Variants in ETNK1 observed in about 807,000 individuals in gnomAD.
ETNK1 encodes the protein ethanolamine kinase 1, also known as putative protein product of Nbla10396.
Under a neutral mutation model 45.1 loss-of-function variants are expected in ETNK1, and 8 were observed. The observed-to-expected ratio is 0.18, with a 90% CI of 0.10 to 0.32. The LOEUF is 0.32. Among genes scored for constraint, ETNK1 ranks in the 10% least tolerant of loss-of-function variants. ETNK1 has a pLI of 1.00. For missense variants in ETNK1, 302 were observed against 430.6 expected, an observed-to-expected ratio of 0.70 and a Z score of 2.64; for synonymous variants, 152 against 151.9, an observed-to-expected ratio of 1.00 and a Z score of -0.01.
chr12:22,645,537 A>G (rs1953797335), intron 2 of ETNK1, among the ~76,000 whole-genome samples: 1 of 151,716 alleles, frequency 6.6e-6, no homozygotes. Context: ...CAAATGCCAA[A>G]GCCTTTGTTT....
rs914579354 is a variant in ETNK1 at position 22,625,262 on chromosome 12, C to T, written c.-169C>T. 6.2e-7 allele frequency: 1 copy of T among 1,610,800 alleles called. No homozygotes were observed. Among genetic ancestry groups the T allele is most frequent in the African/African-American group, 1.3e-5 (1 of 75,028 alleles). The stretch of plus-strand genomic sequence containing the variant: ...CTGCTGTCCAGACCCGGATCGGCAA[C>T]AGTGCCGCCTCCAGACGTTCTCCTG... On this transcript the variant is annotated 5_prime_UTR_variant, in exon 1 of 8. Transcript: ENST00000266517.
chr12:22,673,999 A>G (rs1314650067), intron 6 of ETNK1, among the ~76,000 whole-genome samples: 1 of 152,198 alleles, frequency 6.6e-6, no homozygotes, highest in Non-Finnish European at 1.5e-5. Flanking sequence ...ATCAAAGTCA[A>G]ATTTTACAGG....
intron 4 of ETNK1, among the ~76,000 whole-genome samples, chr12:22,662,098 A>G (rs1954006862): frequency 8.8e-6 from 1 of 113,120 alleles, no homozygotes. Context: ...ATGGAGTTTC[A>G]CTCTTGTCAC....
intron 1 of ETNK1, among the ~76,000 whole-genome samples, chr12:22,632,356 C>T (rs958676179): frequency 2.0e-5 from 3 of 151,928 alleles, no homozygotes; most frequent in Non-Finnish European, 2.9e-5. Flanking sequence ...TGCAATCATA[C>T]GTATAATTTT....
intron 1 of ETNK1, among the ~76,000 whole-genome samples, chr12:22,638,070 A>G (rs1648721441): frequency 6.6e-6 from 1 of 152,018 alleles, no homozygotes; most frequent in African/African-American, 2.4e-5. Context: ...AGCATATGGT[A>G]GGTTTGGAAG....
chr12:22,666,959 A>T (rs12308196), intron 4 of ETNK1, among the ~76,000 whole-genome samples: 55,178 of 151,950 alleles, frequency 0.36, 10,424 homozygotes, highest in Non-Finnish European at 0.42. Flanking sequence ...TGGTACTTTT[A>T]AAAAATTTAA....
chr12:22,671,229 T>G, intron 4 of ETNK1, 43 bp from the exon 5 acceptor site: 1 of 1,315,322 alleles, frequency 7.6e-7, no homozygotes, highest in Non-Finnish European at 1.1e-6. Context: ...TTTCTGATCT[T>G]ATATGTGATT....
At chr12:22,641,293 C>T (rs11046513) in intron 1 of ETNK1, among the ~76,000 whole-genome samples, 7,927 of 152,104 alleles carry the variant, frequency 0.052, 651 homozygotes, top group African/African-American at 0.18. Context: ...GACTTATGGG[C>T]ATCTTAATCG....
intron 4 of ETNK1, among the ~76,000 whole-genome samples, chr12:22,669,964 T>C (rs1954091334): frequency 6.6e-6 from 1 of 152,070 alleles, no homozygotes; most frequent in Non-Finnish European, 1.5e-5. Context: ...TTATTCTAGA[T>C]GTGACTTATT....
chr12:22,650,512 T>C (rs997022801), intron 2 of ETNK1, among the ~76,000 whole-genome samples: 4 of 152,050 alleles, frequency 2.6e-5, no homozygotes, highest in African/African-American at 9.7e-5. Context: ...GCAAAATGCT[T>C]TTTCTGCACA....
intron 1 of ETNK1, among the ~76,000 whole-genome samples, chr12:22,639,508 C>G (rs888727675): frequency 6.6e-6 from 1 of 152,126 alleles, no homozygotes; most frequent in East Asian, 1.9e-4. Flanking sequence ...GAAACCCCAT[C>G]TCTACTAAAA....
intron 1 of ETNK1, among the ~76,000 whole-genome samples, chr12:22,640,521 A>G (rs1164708750): frequency 6.6e-6 from 1 of 151,948 alleles, no homozygotes. Flanking sequence ...TATTGTTTTA[A>G]CATATATTTT....
rs545653162 is a variant in ETNK1, at chr12:22,625,326, C to G, written c.-105C>G. ...CGTCCCAGCGCCCCCAGCCCTCCCG[C>G]GAGGGCGCCCCGGGACGGAAGGATC... On this transcript the variant is annotated 5_prime_UTR_variant, in exon 1 of 8. Transcript: ENST00000266517. 6.3e-7 allele frequency: 1 copy of G among 1,594,988 alleles called. No homozygotes were observed.
In ETNK1 at chr12:22,670,053, G is replaced by A. The variant is rs1954092561; in HGVS notation, c.701-1219G>A. 2.6e-5 allele frequency among the ~76,000 whole-genome samples: 4 copies of A among 152,084 alleles called. 1 individual carries two copies. In the South Asian group the frequency reaches 8.3e-4, roughly 32 times the overall value. ...TTTTATGTAAAACACTATTTGCCAT[G>A]ACATTTTTTGTCACGTAATTTTGTT... is the stretch of plus-strand genomic sequence containing the variant. On this transcript the variant is annotated intron_variant, in intron 4 of 7. Transcript: ENST00000266517.
rs79670515 is a variant in ETNK1, at chr12:22,635,479, G to A, written c.157-8284G>A. ...CATGCAGTGCTTGACTGTGCATCGT[G>A]TTTTCTTTGGTGACTATGATACCAA... On this transcript the variant is annotated intron_variant, in intron 1 of 7. Coordinates refer to ENST00000266517, the MANE Select transcript of ETNK1 (RefSeq NM_018638.5). Among the ~76,000 whole-genome samples, 305 of 152,320 alleles carry A rather than the reference G, an allele frequency of 2.0e-3. 1 individual carries two copies. The highest frequency in any genetic ancestry group is 3.7e-3 in the Non-Finnish European group (252 of 68,022).
chr12:22,653,179 T>A (rs895706339), intron 2 of ETNK1, among the ~76,000 whole-genome samples: 1 of 152,154 alleles, frequency 6.6e-6, no homozygotes, highest in South Asian at 2.1e-4. Context: ...AATTGTGGGT[T>A]TGTTTTTGGG....
chr12:22,628,061 A>G (rs372116641), intron 1 of ETNK1, among the ~76,000 whole-genome samples: 23 of 152,242 alleles, frequency 1.5e-4, no homozygotes, highest in East Asian at 5.8e-4. Flanking sequence ...TTTTCGGAGT[A>G]TAGTAGCAGA....
At chr12:22,648,856 C>A (rs1212008865) in intron 2 of ETNK1, among the ~76,000 whole-genome samples, 1 of 152,060 alleles carries the variant, frequency 6.6e-6, no homozygotes, top group African/African-American at 2.4e-5. Flanking sequence ...ATGAGAGTTG[C>A]TGTTGCTCCA....
At chr12:22,664,223 TTA>T (rs1256990572) in intron 4 of ETNK1, among the ~76,000 whole-genome samples, 4 of 151,898 alleles carry the variant, frequency 2.6e-5, no homozygotes, top group Admixed American at 6.6e-5. Flanking sequence ...TGCAAACTAG[TTA>T]TATGTTTGCA....
Sources: gnomAD v4.1 joint callset for allele counts (sites outside exome capture counted in the v4.1 genomes callset) on GRCh38, gnomAD v4.1.1 for gene constraint, MANE v1.5 for transcripts, NCBI Gene and HGNC (gene_info 2026-07-23, HGNC 2026-07-21) for gene names.